The following SLC25A48 variants were observed in gnomAD, a reference collection of about 807,000 sequenced individuals.
The protein encoded by SLC25A48 is solute carrier family 25 member 48.
In SLC25A48, 29 loss-of-function variants were observed where a neutral mutation model predicts 32.2. That is an observed-to-expected ratio of 0.90 (90% CI 0.67 to 1.23). The LOEUF (loss-of-function observed/expected upper bound fraction) is 1.23. Among genes scored for constraint, SLC25A48 ranks in the 50% most tolerant of loss-of-function variants. The pLI, the probability that SLC25A48 is intolerant of heterozygous loss-of-function variation, is 0.00. For missense variants in SLC25A48, 399 were observed against 422.7 expected (o/e 0.94, Z 0.49); for synonymous variants, 164 against 172.3 (o/e 0.95, Z 0.38).
chr5:135,833,092 A>C (rs1470824551), upstream of SLC25A48, among the ~76,000 whole-genome samples: 1 of 152,228 alleles, frequency 6.6e-6, no homozygotes, highest in Admixed American at 6.5e-5. Flanking sequence ...AGGCCTGGCC[A>C]TGGTTGCTGG....
chr5:135,850,608 C>A, intron 3 of SLC25A48, 112 bp downstream of exon 3: 1 of 939,156 alleles, frequency 1.1e-6, no homozygotes, highest in Non-Finnish European at 1.7e-6. Context: ...TCCTGCTCTT[C>A]ACACTCAGCT....
intron 3 of SLC25A48, among the ~76,000 whole-genome samples, chr5:135,791,843 T>C (rs1457351243): frequency 1.3e-5 from 2 of 151,542 alleles, no homozygotes; most frequent in Non-Finnish European, 3.0e-5. Flanking sequence ...CCTTGTGATA[T>C]TATTCACAAT....
At chr5:135,692,599 A>T (rs559772209) in intron 3 of SLC25A48, among the ~76,000 whole-genome samples, 93 of 152,324 alleles carry the variant, frequency 6.1e-4, no homozygotes, top group African/African-American at 2.2e-3. Context: ...ATTTGCTATT[A>T]AAAAGTGCCC....
At chr5:135,833,393 G>A (rs1758279770), upstream of SLC25A48, among the ~76,000 whole-genome samples, 1 of 152,254 alleles carries the variant, frequency 6.6e-6, no homozygotes, top group African/African-American at 2.4e-5. Context: ...AGTGGGTTTT[G>A]AGAATTGTCA....
At chr5:135,886,355 C>A (rs571675764) in intron 7 of SLC25A48, among the ~76,000 whole-genome samples, 1 of 145,374 alleles carries the variant, frequency 6.9e-6, no homozygotes, top group South Asian at 2.4e-4. Flanking sequence ...ACATCTTCTG[C>A]ACCTTCACTC....
At position 135,816,778 on chromosome 5, in the gene SLC25A48, A is replaced by G. The variant is rs1757730202; in HGVS notation, c.-117+3852A>G. On this transcript the variant is annotated intron_variant, in intron 4 of 10. Transcript: ENST00000646290. ...CCACTATTTAAAGATGATGGAAAAC[A>G]GAAAACACAGGACAATGATCCAAAG... Among the ~76,000 whole-genome samples, 4 of 152,368 alleles carry G rather than the reference A, an allele frequency of 2.6e-5. No individual in the cohort carries two copies. In the South Asian group the frequency reaches 8.3e-4, roughly 32 times the overall value.
At chr5:135,598,122 T>A (rs1370619228) in intron 1 of SLC25A48, among the ~76,000 whole-genome samples, 1 of 152,168 alleles carries the variant, frequency 6.6e-6, no homozygotes, top group Non-Finnish European at 1.5e-5. Context: ...ATGCAAAGTG[T>A]TACCCACTAG....
At chr5:135,686,153 TG>T (rs1432890097) in intron 3 of SLC25A48, among the ~76,000 whole-genome samples, 2 of 152,256 alleles carry the variant, frequency 1.3e-5, no homozygotes, top group Non-Finnish European at 2.9e-5. Context: ...CATCTCATCT[TG>T]GACACATCAG....
chr5:135,602,770 C>A (rs370619690), intron 1 of SLC25A48, among the ~76,000 whole-genome samples: 2 of 152,142 alleles, frequency 1.3e-5, no homozygotes, highest in African/African-American at 2.4e-5. Flanking sequence ...CCTCTCCCCC[C>A]ACCCCACGAC....
chr5:135,772,604 C>T (rs1756442772), intron 3 of SLC25A48, among the ~76,000 whole-genome samples: 1 of 151,238 alleles, frequency 6.6e-6, no homozygotes, highest in Non-Finnish European at 1.5e-5. Context: ...TGTACAGAGC[C>T]TGTGATATTG....
chr5:135,647,310 A>G (rs553766374), intron 3 of SLC25A48, among the ~76,000 whole-genome samples: 1 of 152,222 alleles, frequency 6.6e-6, no homozygotes, highest in Non-Finnish European at 1.5e-5. Context: ...GATCCAATCC[A>G]GGGCACCGCA....
chr5:135,681,867 G>A (rs372770437), intron 3 of SLC25A48, among the ~76,000 whole-genome samples: 173 of 152,198 alleles, frequency 1.1e-3, no homozygotes, highest in South Asian at 2.9e-3. Context: ...TGTAAAATGA[G>A]GTTCTTCCAC....
intron 3 of SLC25A48, among the ~76,000 whole-genome samples, chr5:135,731,113 TA>T (rs1215637795): frequency 2.0e-5 from 3 of 151,438 alleles, no homozygotes; most frequent in Admixed American, 1.3e-4. Flanking sequence ...TGAAGGGAGA[TA>T]GGGGTGGGGC....
chr5:135,836,369 T>C (rs1007037503), intron 1 of SLC25A48, among the ~76,000 whole-genome samples: 4 of 152,116 alleles, frequency 2.6e-5, no homozygotes, highest in African/African-American at 9.7e-5. Flanking sequence ...TTTTTTTTTT[T>C]TTGGCTTCCA....
intron 4 of SLC25A48, chr5:135,825,827 G>A (rs976380098): frequency 2.6e-5 from 4 of 152,216 alleles, no homozygotes; most frequent in African/African-American, 2.4e-5. Context: ...AACCCCTGAG[G>A]AGGGGTTACA....
chr5:135,862,570 G>T (rs886941571), intron 4 of SLC25A48, among the ~76,000 whole-genome samples: 1 of 152,218 alleles, frequency 6.6e-6, no homozygotes, highest in African/African-American at 2.4e-5. Context: ...TGGGGAGCCA[G>T]ATGTGTGCTT....
upstream of SLC25A48, among the ~76,000 whole-genome samples, chr5:135,833,361 C>T (rs983240650): frequency 6.6e-6 from 1 of 152,214 alleles, no homozygotes; most frequent in Non-Finnish European, 1.5e-5. Context: ...TGCCTGGCAC[C>T]CCTTAGGTGG....
chr5:135,723,414 A>ACACACACACACACC (rs70976577), intron 3 of SLC25A48, among the ~76,000 whole-genome samples: 1 of 145,714 alleles, frequency 6.9e-6, no homozygotes, highest in Non-Finnish European at 1.5e-5. Flanking sequence ...ACACACACAC[A>ACACACACACACACC]ATGGGGAGGG....
chr5:135,624,321 A>G (rs998236973), intron 1 of SLC25A48, among the ~76,000 whole-genome samples: 1 of 152,200 alleles, frequency 6.6e-6, no homozygotes, highest in Admixed American at 6.5e-5. Context: ...TGCAGGACCT[A>G]ATGGAGAGGC....
Sources: allele counts gnomAD v4.1 joint callset (sites outside exome capture counted in the v4.1 genomes callset), GRCh38; gene constraint gnomAD v4.1.1; transcripts MANE v1.5; gene names NCBI Gene and HGNC (gene_info 2026-07-23, HGNC 2026-07-21).